The following AKT1 variants were observed in gnomAD, a reference collection of about 807,000 sequenced individuals.
The protein encoded by AKT1 is AKT serine/threonine kinase 1, also known as RAC-alpha serine/threonine-protein kinase.
AKT1 carries 21 observed loss-of-function variants against 63.1 expected under a neutral mutation model. The ratio of observed to expected loss-of-function variants is 0.33; its 90% confidence interval spans 0.24 to 0.48. The LOEUF is 0.48. AKT1 is among the 20% of genes least tolerant of loss of function. The pLI is 0.99. For synonymous variants in AKT1, 257 were observed against 253.1 expected, an observed-to-expected ratio of 1.02 and a Z score of -0.15; for missense variants, 382 against 666.0, an observed-to-expected ratio of 0.57 and a Z score of 4.69.
intron 12 of AKT1, among the ~76,000 whole-genome samples, 179 bp downstream of exon 12, chr14:104,772,699 C>A (rs893897636): frequency 1.3e-5 from 2 of 152,150 alleles, no homozygotes; most frequent in South Asian, 4.1e-4. Flanking sequence ...CAACTGACCC[C>A]GGCCTGCCCG....
chr14:104,773,866 C>G, intron 9 of AKT1, 46 bp downstream of exon 9: 1 of 1,545,512 alleles, frequency 6.5e-7, no homozygotes, highest in Non-Finnish European at 8.8e-7. Flanking sequence ...CCACCATGGG[C>G]GGCCCACAGG....
chr14:104,774,060 T>C (rs1375585282), intron 8 of AKT1, 80 bp from the exon 9 acceptor site: 2 of 1,371,490 alleles, frequency 1.5e-6, no homozygotes, highest in Non-Finnish European at 2.0e-6. Context: ...ACCACGCTGC[T>C]TGATACCACG....
intron 14 of AKT1, 149 bp downstream of exon 14, chr14:104,770,596 C>T: frequency 1.1e-6 from 1 of 932,094 alleles, no homozygotes; most frequent in South Asian, 1.6e-5. Flanking sequence ...AGAGCACTGC[C>T]TCCCACCCTG....
intron 3 of AKT1, among the ~76,000 whole-genome samples, chr14:104,787,048 C>T (rs750669894): frequency 5.3e-5 from 8 of 152,070 alleles, no homozygotes; most frequent in Admixed American, 6.5e-5. Flanking sequence ...CTGCAGTCAC[C>T]GGGCCCGCCT....
intron 4 of AKT1, chr14:104,777,102 T>C (rs2140933075): frequency 3.3e-6 from 1 of 298,804 alleles, no homozygotes; most frequent in Admixed American, 5.0e-5. Context: ...ATGAGGGGTA[T>C]GGAGATCCCA....
At chr14:104,787,964 C>T (rs1566824713) in intron 3 of AKT1, among the ~76,000 whole-genome samples, 1 of 152,234 alleles carries the variant, frequency 6.6e-6, no homozygotes, top group Non-Finnish European at 1.5e-5. Flanking sequence ...GCGGCCTCCA[C>T]CACAGCCATG....
intron 14 of AKT1, 104 bp from the exon 15 acceptor site, chr14:104,770,524 C>G: frequency 8.5e-7 from 1 of 1,173,506 alleles, no homozygotes; most frequent in East Asian, 2.6e-5. Context: ...GGCCAGCACG[C>G]TGCCATACTG....
chr14:104,794,606 G>A (rs993414175), intron 1 of AKT1: 2 of 152,198 alleles, frequency 1.3e-5, no homozygotes, highest in African/African-American at 4.8e-5. Flanking sequence ...CCAGAACCCT[G>A]GTGTATGAGA....
chr14:104,789,016 G>A (rs955047276), intron 3 of AKT1, among the ~76,000 whole-genome samples: 6 of 152,182 alleles, frequency 3.9e-5, no homozygotes, highest in East Asian at 1.9e-4. Context: ...CGTCTGCCGC[G>A]TAACCCACGC....
chr14:104,786,457 C>G (rs915107418), intron 3 of AKT1: 4 of 152,238 alleles, frequency 2.6e-5, no homozygotes, highest in African/African-American at 9.7e-5. Flanking sequence ...CAGCCATGCC[C>G]ACAGCCCCTC....
intron 2 of AKT1, 103 bp from the exon 3 acceptor site, chr14:104,792,825 C>T: frequency 1.5e-6 from 1 of 677,504 alleles, no homozygotes; most frequent in Non-Finnish European, 2.6e-6. Context: ...GGGGGCTCCA[C>T]CCGCACCTGC....
chr14:104,777,602 C>T (rs1892804546), intron 4 of AKT1: 2 of 996,994 alleles, frequency 2.0e-6, no homozygotes, highest in Non-Finnish European at 2.4e-6. Context: ...CACGTACACC[C>T]TGAGGGCTGT....
intron 5 of AKT1, chr14:104,776,312 A>C: frequency 4.6e-6 from 1 of 217,492 alleles, no homozygotes; most frequent in Non-Finnish European, 9.3e-6. Context: ...ACACCCAGCT[A>C]AGTTTTATAT....
At chr14:104,772,240 G>A in intron 13 of AKT1, 125 bp downstream of exon 13, 3 of 1,040,342 alleles carry the variant, frequency 2.9e-6, no homozygotes, top group Admixed American at 1.8e-5. Context: ...CTTGTACCAG[G>A]ACTGCAGCAG....
chr14:104,773,761 C>T, intron 9 of AKT1, 151 bp downstream of exon 9: 1 of 1,202,376 alleles, frequency 8.3e-7, no homozygotes, highest in Non-Finnish European at 1.2e-6. Context: ...CACCCCACAG[C>T]AGGCAGCTGC....
rs1297040945 is a variant in AKT1, at chr14:104,769,399, A to G, written c.*942T>C. ...ATTTGGAGGGAAGGTTCCATATTAT[A>G]TTATAATAGTAAAAATACTAAAGTT... On this transcript the variant is annotated 3_prime_UTR_variant, in exon 15 of 15. Coordinates refer to ENST00000649815, the MANE Select transcript of AKT1 (RefSeq NM_001382430.1). 3 of 316,478 alleles carry G rather than the reference A, an allele frequency of 9.5e-6. No individual in the cohort carries two copies. The highest frequency in any genetic ancestry group is 2.2e-5 in the African/African-American group (1 of 46,034). 19.6% of individuals were successfully genotyped at this position (316,478 alleles called of 1,614,324 possible). A position where few individuals can be genotyped will look rare whatever the true frequency, so the allele number is the denominator to read the frequency against.
chr14:104,776,553 A>G (rs1221012510), intron 5 of AKT1, 106 bp downstream of exon 5: 21 of 922,528 alleles, frequency 2.3e-5, no homozygotes, highest in Non-Finnish European at 3.4e-5. Flanking sequence ...AGCACTGGGG[A>G]GTGAGGATGG....
chr14:104,774,355 C>T, intron 8 of AKT1: 1 of 319,966 alleles, frequency 3.1e-6, no homozygotes, highest in Non-Finnish European at 6.0e-6. Flanking sequence ...TCAGGTCCTC[C>T]AGGGTGAGTT....
At chr14:104,787,638 G>A (rs886293053) in intron 3 of AKT1, among the ~76,000 whole-genome samples, 3 of 152,258 alleles carry the variant, frequency 2.0e-5, no homozygotes, top group African/African-American at 7.2e-5. Context: ...TCTCCTGAGA[G>A]TGGAAGGTGT....
Sources: gnomAD v4.1 joint callset for allele counts (sites outside exome capture counted in the v4.1 genomes callset) on GRCh38, gnomAD v4.1.1 for gene constraint, MANE v1.5 for transcripts, NCBI Gene and HGNC (gene_info 2026-07-23, HGNC 2026-07-21) for gene names.